EYA4: variants seen among roughly 807,000 people sequenced by gnomAD.
The protein encoded by EYA4 is EYA transcriptional coactivator and phosphatase 4.
Under a neutral mutation model 87.9 loss-of-function variants are expected in EYA4, and 31 were observed. That is an observed-to-expected ratio of 0.35 (90% CI 0.27 to 0.48). EYA4 has a LOEUF of 0.48. Among genes scored for constraint, EYA4 ranks in the 20% least tolerant of loss-of-function variants. The pLI is 0.99. For missense variants in EYA4, 678 were observed against 761.4 expected (o/e 0.89, Z 1.29); for synonymous variants, 263 against 270.6 (o/e 0.97, Z 0.28).
intron 3 of EYA4, among the ~76,000 whole-genome samples, chr6:133,392,302 G>C (rs550189542): frequency 6.6e-6 from 1 of 151,958 alleles, no homozygotes; most frequent in South Asian, 2.1e-4. Flanking sequence ...ATTTTGCCAA[G>C]ATTAGTGTCT....
At position 133,281,874 on chromosome 6, in the gene EYA4, GT is replaced by G. The variant is rs1330956074; in HGVS notation, c.33+7071del. Among the ~76,000 whole-genome samples, 8 of 148,226 alleles carry G rather than the reference GT, an allele frequency of 5.4e-5. No homozygotes were observed. In the East Asian group the frequency reaches 7.9e-4, roughly 15 times the overall value. ...ATCTAAGTGAGAACATGTGGTATTT[GT>G]TTTTTTTTTCCTGTGTTGATTCACT... On this transcript the variant is annotated intron_variant, in intron 2 of 19. Coordinates refer to ENST00000355286, the MANE Select transcript of EYA4 (RefSeq NM_004100.5).
At chr6:133,340,641 C>T (rs1218524991) in intron 2 of EYA4, among the ~76,000 whole-genome samples, 5 of 152,092 alleles carry the variant, frequency 3.3e-5, no homozygotes, top group Admixed American at 3.3e-4. Flanking sequence ...TGCTTGAGAA[C>T]AGAAAAGAAG....
chr6:133,273,737 G>T (rs1358171062), intron 1 of EYA4, among the ~76,000 whole-genome samples: 4 of 152,070 alleles, frequency 2.6e-5, no homozygotes, highest in Non-Finnish European at 4.4e-5. Context: ...ATTTCATTGT[G>T]AATTTGAACA....
rs886061091 is a variant in EYA4, at chr6:133,529,941, CT to C, written c.*1142del. On this transcript the variant is annotated 3_prime_UTR_variant, in exon 20 of 20. Transcript: ENST00000355286. ...AAATCATGAGCAATTATCACATAAA[CT>C]TTTTTAGAATGTGCCATGAACATGG... 9.1e-4 allele frequency: 896 copies of C among 985,340 alleles called. 9 individuals carry two copies. In the African/African-American group the frequency reaches 0.014, roughly 16 times the overall value. The allele number at this position is 985,340 out of a possible 1,614,324, so 61.0% of individuals were successfully genotyped here.
chr6:133,390,274 C>A (rs560373309), intron 3 of EYA4, among the ~76,000 whole-genome samples: 3 of 152,090 alleles, frequency 2.0e-5, no homozygotes, highest in Non-Finnish European at 2.9e-5. Context: ...GACTGGAGTG[C>A]GGTGGCAGAA....
In EYA4 at chr6:133,475,946, C is replaced by A. The variant is rs370483448; in HGVS notation, c.971-5517C>A. Among the ~76,000 whole-genome samples the A allele has an allele frequency of 5.3e-5, 8 of 152,112 alleles. No homozygotes were observed. In the East Asian group the frequency reaches 9.6e-4, roughly 18 times the overall value. ...CATGCTCTTTTGCTTCTGTGAAGTT[C>A]TTTCAGTGAATTCTTTGGCCCTCCA... On this transcript the variant is annotated intron_variant, in intron 11 of 19. Coordinates refer to ENST00000355286, the MANE Select transcript of EYA4 (RefSeq NM_004100.5).
chr6:133,530,081 G>A lies in EYA4; in HGVS notation c.*1276G>A, dbSNP rs890859539. Reference sequence around the variant, plus strand: ...AAATGGAAGGCAGTTCTCCCAGATGGTGTCTAATGAAAGCAATGAGTCTAT... The same window carrying A: ...AAATGGAAGGCAGTTCTCCCAGATGATGTCTAATGAAAGCAATGAGTCTAT... On this transcript the variant is annotated 3_prime_UTR_variant, in exon 20 of 20. Coordinates refer to ENST00000355286, the MANE Select transcript of EYA4 (RefSeq NM_004100.5). 8 of 984,988 alleles carry A rather than the reference G, an allele frequency of 8.1e-6. No individual in the cohort carries two copies. In the African/African-American group the frequency reaches 1.2e-4, roughly 15 times the overall value. The allele number at this position is 984,988 out of a possible 1,614,324, so 61.0% of individuals were successfully genotyped here. A position where few individuals can be genotyped will look rare whatever the true frequency, so the allele number is the denominator to read the frequency against.
chr6:133,351,767 A>C (rs903746569), intron 2 of EYA4, among the ~76,000 whole-genome samples: 12 of 152,190 alleles, frequency 7.9e-5, no homozygotes, highest in African/African-American at 2.9e-4. Flanking sequence ...GTTGAGAAAG[A>C]TTCTTTTCCC....
intron 9 of EYA4, 79 bp from the exon 10 acceptor site, chr6:133,464,700 C>A: frequency 1.1e-6 from 1 of 928,550 alleles, no homozygotes. Flanking sequence ...GTGTTTCTCT[C>A]ACAGAATTCT....
intron 2 of EYA4, among the ~76,000 whole-genome samples, chr6:133,380,386 G>A (rs1462470810): frequency 6.6e-6 from 1 of 152,148 alleles, no homozygotes; most frequent in Non-Finnish European, 1.5e-5. Flanking sequence ...ATTAAAACAA[G>A]CAGAACTTTC....
At chr6:133,473,305 G>C (rs997633672) in intron 11 of EYA4, among the ~76,000 whole-genome samples, 4 of 151,992 alleles carry the variant, frequency 2.6e-5, no homozygotes, top group African/African-American at 9.7e-5. Context: ...CATCAGCACT[G>C]TGCTAGAAAC....
At chr6:133,370,102 C>T (rs2128461909) in intron 2 of EYA4, among the ~76,000 whole-genome samples, 1 of 152,332 alleles carries the variant, frequency 6.6e-6, no homozygotes, top group South Asian at 2.1e-4. Flanking sequence ...GCTTTTAAGG[C>T]TACCTGGGTG....
chr6:133,462,155 G>C, intron 7 of EYA4, 180 bp from the exon 8 acceptor site: 1 of 700,422 alleles, frequency 1.4e-6, no homozygotes, highest in Non-Finnish European at 2.5e-6. Context: ...TCACTAGATT[G>C]GCTTGTAGCA....
At chr6:133,501,503 C>T (rs1798112672) in intron 13 of EYA4, among the ~76,000 whole-genome samples, 1 of 152,116 alleles carries the variant, frequency 6.6e-6, no homozygotes, top group Non-Finnish European at 1.5e-5. Flanking sequence ...CCATCATAGA[C>T]AAGTATCACA....
At chr6:133,367,996 C>T (rs1195373958) in intron 2 of EYA4, among the ~76,000 whole-genome samples, 2 of 151,994 alleles carry the variant, frequency 1.3e-5, no homozygotes, top group Admixed American at 1.3e-4. Flanking sequence ...TAATTGGTGG[C>T]AGTATGCTGG....
chr6:133,412,795 A>G (rs957228668), intron 3 of EYA4, among the ~76,000 whole-genome samples: 2 of 152,078 alleles, frequency 1.3e-5, no homozygotes, highest in East Asian at 1.9e-4. Flanking sequence ...TTTTCTCTTC[A>G]TCTTCTTTAC....
intron 2 of EYA4, among the ~76,000 whole-genome samples, chr6:133,378,532 A>G (rs557719824): frequency 6.6e-6 from 1 of 152,136 alleles, no homozygotes; most frequent in East Asian, 1.9e-4. Context: ...TAGGTTCTTC[A>G]TAGGTTCTGG....
rs185954627 is a variant in EYA4, at chr6:133,322,945, T to G, written c.33+48132T>G. On this transcript the variant is annotated intron_variant, in intron 2 of 19. Transcript: ENST00000355286. ...TTGTCACTGGTGAGATGTGACAAAA[T>G]GATCTCTACTTACCCTATCTTTGAA... is the stretch of plus-strand genomic sequence containing the variant. Among the ~76,000 whole-genome samples, 530 of 152,296 alleles carry G rather than the reference T, an allele frequency of 3.5e-3. 4 individuals are homozygous for G. The highest frequency in any genetic ancestry group is 0.012 in the African/African-American group (479 of 41,562).
intron 3 of EYA4, among the ~76,000 whole-genome samples, chr6:133,444,683 G>A (rs1275028080): frequency 2.6e-5 from 4 of 152,168 alleles, no homozygotes; most frequent in African/African-American, 9.7e-5. Context: ...CAGAAAGAGT[G>A]TGCTCTTGGG....
Sources: gnomAD v4.1 joint callset for allele counts (sites outside exome capture counted in the v4.1 genomes callset) on GRCh38, gnomAD v4.1.1 for gene constraint, MANE v1.5 for transcripts, NCBI Gene and HGNC (gene_info 2026-07-23, HGNC 2026-07-21) for gene names.